Variants in NLRC5 observed in about 807,000 individuals in gnomAD.
NLRC5 encodes the protein protein NLRC5.
NLRC5 carries 114 observed loss-of-function variants against 206.9 expected under a neutral mutation model. That is an observed-to-expected ratio of 0.55 (90% CI 0.47 to 0.64). The LOEUF is 0.64. Ranked by LOEUF, NLRC5 falls within the 30% of genes least tolerant of loss-of-function variation. The probability of loss-of-function intolerance (pLI) is 0.00; values close to 1 mark genes in which losing one functional copy is unlikely to be tolerated. For missense variants in NLRC5, 2,008 were observed against 2,305.5 expected (o/e 0.87, Z 2.64); for synonymous variants, 952 against 962.8 (o/e 0.99, Z 0.21).
At chr16:57,034,018 C>G (rs2062195689) in intron 12 of NLRC5, 150 bp from the exon 13 acceptor site, 1 of 636,722 alleles carries the variant, frequency 1.6e-6, no homozygotes, top group Admixed American at 2.7e-5. Context: ...GGTTAAGTCC[C>G]TTGCTCAAGA....
chr16:57,000,402 G>T (rs2058107687), intron 1 of NLRC5, among the ~76,000 whole-genome samples: 1 of 152,204 alleles, frequency 6.6e-6, no homozygotes, highest in African/African-American at 2.4e-5. Context: ...CTGGGACCCA[G>T]ATTGCTGGGT....
In NLRC5 at chr16:57,081,118, G is replaced by T; in HGVS notation, c.5342G>T (p.Gly1781Val). The T allele has an allele frequency of 6.5e-7, 1 of 1,548,416 alleles. No individual in the cohort carries two copies. Among genetic ancestry groups the T allele is most frequent in the East Asian group, 2.4e-5 (1 of 41,192 alleles). ...TGCAGGCTGTCCTGGAATCTCCTCGGGGATGAGGCAGCTGCCGAGCTGGCC... is the reference window on the plus strand; with the variant it reads ...TGCAGGCTGTCCTGGAATCTCCTCGTGGATGAGGCAGCTGCCGAGCTGGCC... The part of the protein sequence containing the change: ...EVILLSWNLL[G>V]DEAAAELAQV... The change falls in exon 47 of 49, where the codon GGG (glycine) becomes GTG (valine). Residue 1781 changes from glycine (G) to valine (V), a missense_variant. Physicochemically the swap from Gly to Val is moderately radical, Grantham distance 109. Coordinates refer to ENST00000688547, the MANE Select transcript of NLRC5 (RefSeq NM_001384950.1).
Position 57,039,810 on chromosome 16 carries a change from T to A in NLRC5, c.2831T>A (p.Phe944Tyr). ...SLQHKTVIFM[F>Y]AQEPEEQKGP... Reference sequence around the variant, plus strand: ...CAGCACAAAACTGTGATCTTCATGTTTGCCCAGGAGCCAGAGGAGCAGAAG... The same window carrying A: ...CAGCACAAAACTGTGATCTTCATGTATGCCCAGGAGCCAGAGGAGCAGAAG... Residue 944 changes from phenylalanine to tyrosine, a missense_variant, in exon 16 of 49, where the codon TTT (phenylalanine) becomes TAT (tyrosine). Coordinates refer to ENST00000688547, the MANE Select transcript of NLRC5 (RefSeq NM_001384950.1). The A allele has an allele frequency of 6.2e-7, 1 of 1,614,218 alleles. No homozygotes were observed. The highest frequency in any genetic ancestry group is 8.5e-7 in the Non-Finnish European group (1 of 1,180,034).
chr16:57,029,757 C>G lies in NLRC5; in HGVS notation c.2244-16C>G. Reference sequence around the variant, plus strand: ...CAACCCCAGGGCAAAGGGACTGGGCCTTGGTCTCCTCGCAGTTTTCGGGAC... The same window carrying G: ...CAACCCCAGGGCAAAGGGACTGGGCGTTGGTCTCCTCGCAGTTTTCGGGAC... On this transcript the variant is annotated splice_polypyrimidine_tract_variant and intron_variant, in intron 8 of 48. Transcript: ENST00000688547. 1 of 1,613,260 alleles carries G rather than the reference C, an allele frequency of 6.2e-7. No homozygotes were observed. Among genetic ancestry groups the G allele is most frequent in the Non-Finnish European group, 8.5e-7 (1 of 1,179,406 alleles).
chr16:57,001,710 G>A (rs1354119173), intron 1 of NLRC5, among the ~76,000 whole-genome samples: 2 of 151,920 alleles, frequency 1.3e-5, no homozygotes, highest in African/African-American at 4.8e-5. Flanking sequence ...GGGTAAATGG[G>A]GTTTCCATCA....
chr16:57,020,635 C>T (rs545924768), intron 2 of NLRC5, 66 bp from the exon 3 acceptor site: 1 of 817,964 alleles, frequency 1.2e-6, no homozygotes, highest in South Asian at 1.6e-5. Flanking sequence ...GTTCCCCTGT[C>T]CCTCAGCTCA....
rs757126474 is a variant in NLRC5 at position 57,061,468 on chromosome 16, G to A, written c.4007G>A (p.Arg1336Gln). ...KTLRLSECSF[R>Q]PEHVSRLATG... is the part of the protein sequence containing the mutation. ...CTCAGGCTAAGTGAGTGCAGCTTCC[G>A]GCCAGAGCACGTGTCCAGGCTGGCC... Residue 1336 changes from arginine to glutamine, a missense_variant, in exon 31 of 49, where the codon CGG becomes CAG. Physicochemically the swap from Arg to Gln is conservative, Grantham distance 43 (BLOSUM62 1). Transcript: ENST00000688547. The A allele has an allele frequency of 1.2e-5, 19 of 1,611,238 alleles. No individual in the cohort carries two copies. Among genetic ancestry groups the A allele is most frequent in the African/African-American group, 2.7e-5 (2 of 74,940 alleles).
At chr16:57,078,083 G>GT (rs1469386850) in intron 43 of NLRC5, 63 bp downstream of exon 43, 35 of 1,367,660 alleles carry the variant, frequency 2.6e-5, no homozygotes, top group African/African-American at 1.3e-4. Context: ...GGGAGCAGTG[G>GT]GGGGGTCCAG....
chr16:57,029,518 C>G (rs1310677274), intron 8 of NLRC5, among the ~76,000 whole-genome samples: 15 of 152,166 alleles, frequency 9.9e-5, no homozygotes, highest in African/African-American at 3.4e-4. Context: ...AAGAGGCCGT[C>G]AGTCTGTCTT....
intron 42 of NLRC5, 62 bp from the exon 43 acceptor site, chr16:57,077,881 G>T: frequency 6.2e-7 from 1 of 1,604,632 alleles, no homozygotes; most frequent in Non-Finnish European, 8.5e-7. Flanking sequence ...TGGGCACAGG[G>T]CAGGGCGGGG....
chr16:57,008,785 A>G (rs1267059094), intron 1 of NLRC5, among the ~76,000 whole-genome samples: 1 of 152,194 alleles, frequency 6.6e-6, no homozygotes, highest in Non-Finnish European at 1.5e-5. Context: ...TTAATTTTAA[A>G]GAATAACAAA....
At position 57,029,730 on chromosome 16, in the gene NLRC5, C is replaced by A. The variant is rs375501355; in HGVS notation, c.2244-43C>A. On this transcript the variant is annotated intron_variant, in intron 8 of 48. Transcript: ENST00000688547. ...CTTGCTAACTGGGGCTTGCAAGTGC[C>A]CCAACCCCAGGGCAAAGGGACTGGG... 156 of 1,579,684 alleles carry A rather than the reference C, an allele frequency of 9.9e-5. No homozygotes were observed. In the Middle Eastern group the frequency reaches 1.7e-3, roughly 17 times the overall value.
chr16:57,013,696 A>G, intron 1 of NLRC5: 2 of 798,438 alleles, frequency 2.5e-6, no homozygotes, highest in South Asian at 2.8e-5. Flanking sequence ...GGTAACCTGG[A>G]ATATGCTCCT....
intron 46 of NLRC5, 116 bp downstream of exon 46, chr16:57,079,745 T>G: frequency 1.7e-5 from 12 of 724,140 alleles, no homozygotes; most frequent in East Asian, 2.7e-5. Context: ...CTCTGGCCAG[T>G]CCTCCCATTT....
At position 57,077,718 on chromosome 16, in the gene NLRC5, G is replaced by T; in HGVS notation, c.4920-1G>T. The T allele has an allele frequency of 6.4e-7, 1 of 1,572,576 alleles. No individual in the cohort carries two copies. The stretch of plus-strand genomic sequence containing the variant: ...ACCTGATGGCTGCCCCCCTCCCACA[G>T]CCTCTCAGGGAATAGCATCAGCTCA... On this transcript the variant is annotated splice_acceptor_variant, in intron 41 of 48. Transcript: ENST00000688547. LOFTEE classifies it high-confidence loss of function.
At position 57,041,503 on chromosome 16, in the gene NLRC5, C is replaced by T; in HGVS notation, c.2958C>T (p.Leu986=). The T allele has an allele frequency of 6.2e-7, 1 of 1,614,028 alleles. No individual in the cohort carries two copies. The highest frequency in any genetic ancestry group is 8.5e-7 in the Non-Finnish European group (1 of 1,179,998). The change falls in exon 18 of 49, where the codon CTC becomes CTT. Residue 986 remains leucine, a synonymous_variant. Transcript: ENST00000688547. ...TGGGCAGGCTGACACATTGTGGCCT[C>T]CAAGAAAAGCACCTAGAGCAGCTCT... ...SRRMRLTHCG[L]QEKHLEQLCK...
At chr16:57,013,746 A>G in intron 1 of NLRC5, 1 of 722,290 alleles carries the variant, frequency 1.4e-6, no homozygotes, top group Non-Finnish European at 2.5e-6. Flanking sequence ...ATACGTTTAC[A>G]ATTTTTTATC....
Position 57,036,117 on chromosome 16 carries a change from T to A in NLRC5, c.2645T>A (p.Leu882Gln). 6.2e-7 allele frequency: 1 copy of A among 1,613,710 alleles called. No individual in the cohort carries two copies. Among genetic ancestry groups the A allele is most frequent in the Non-Finnish European group, 8.5e-7 (1 of 1,180,016 alleles). ...CGTCTCAGCCTCTCAGGGAACCAGCTGGAAGATGAAGGCTGTCGGCTGATG... is the reference window on the plus strand; with the variant it reads ...CGTCTCAGCCTCTCAGGGAACCAGCAGGAAGATGAAGGCTGTCGGCTGATG... Reference protein sequence around the residue: ...LEEVDLSGNQLEDEGCRLMAE... With the variant: ...LEEVDLSGNQQEDEGCRLMAE... The change falls in exon 14 of 49, where the codon CTG (leucine) becomes CAG (glutamine). Residue 882 changes from leucine (L) to glutamine (Q), a missense_variant. By Grantham distance (113) the Leu-to-Gln change is moderately radical. Coordinates refer to ENST00000688547, the MANE Select transcript of NLRC5 (RefSeq NM_001384950.1).
intron 30 of NLRC5, among the ~76,000 whole-genome samples, chr16:57,060,217 C>T (rs1442758498): frequency 6.6e-6 from 1 of 151,828 alleles, no homozygotes; most frequent in Non-Finnish European, 1.5e-5. Context: ...CTTCACAACA[C>T]ACATCTGACA....
Sources: gnomAD v4.1 joint callset for allele counts (sites outside exome capture counted in the v4.1 genomes callset) on GRCh38, gnomAD v4.1.1 for gene constraint, MANE v1.5 for transcripts, NCBI Gene and HGNC (gene_info 2026-07-23, HGNC 2026-07-21) for gene names.